The following SREK1 variants were observed in gnomAD, a reference collection of about 807,000 sequenced individuals.
SREK1 encodes the protein splicing regulatory glutamic acid and lysine rich protein 1.
SREK1 carries 13 observed loss-of-function variants against 66.5 expected under a neutral mutation model. The observed-to-expected ratio is 0.20, with a 90% CI of 0.13 to 0.31. The LOEUF (loss-of-function observed/expected upper bound fraction) is 0.31. SREK1 is among the 10% of genes least tolerant of loss of function. SREK1 has a pLI of 1.00. For synonymous variants in SREK1, 265 were observed against 263.5 expected (o/e 1.01, Z -0.05); for missense variants, 607 against 769.6 (o/e 0.79, Z 2.50).
Position 66,179,796 on chromosome 5 carries a change from T to C in SREK1, c.*928T>C, listed in dbSNP as rs931809888. On this transcript the variant is annotated 3_prime_UTR_variant, in exon 12 of 12. Coordinates refer to ENST00000334121, the MANE Select transcript of SREK1 (RefSeq NM_001077199.3). ...TGTGGTATACTGTTTTCTAGAATTT[T>C]ATATGTGCTAGTCATTCTCAATTCA... The C allele has an allele frequency of 2.0e-5, 3 of 152,524 alleles. No individual in the cohort carries two copies. The highest frequency in any genetic ancestry group is 7.2e-5 in the African/African-American group (3 of 41,432). The allele number at this position is 152,524 out of a possible 1,614,324, so 9.4% of individuals were successfully genotyped here. A position where few individuals can be genotyped will look rare whatever the true frequency, so the allele number is the denominator to read the frequency against.
At chr5:66,171,388 G>A (rs36062076) in intron 9 of SREK1, among the ~76,000 whole-genome samples, 2,949 of 152,118 alleles carry the variant, frequency 0.019, 54 homozygotes, top group Admixed American at 0.047. Flanking sequence ...TTTGTTAAGT[G>A]CATAACATTT....
intron 3 of SREK1, among the ~76,000 whole-genome samples, chr5:66,160,248 A>C (rs1422904607): frequency 1.3e-5 from 2 of 152,172 alleles, no homozygotes; most frequent in Admixed American, 1.3e-4. Context: ...CAAAATACAA[A>C]GCTTGCCTTA....
chr5:66,171,093 A>G, intron 9 of SREK1, 146 bp downstream of exon 9: 3 of 1,019,624 alleles, frequency 2.9e-6, no homozygotes, highest in East Asian at 2.7e-5. Context: ...CAGAGTAAAC[A>G]TTTCTCTAGC....
At chr5:66,169,312 A>T (rs1419316389) in intron 7 of SREK1, 2 of 152,242 alleles carry the variant, frequency 1.3e-5, no homozygotes. Context: ...TCTGAAATTC[A>T]AAAGGCTTCA....
intron 7 of SREK1, chr5:66,165,971 T>C (rs1745142453): frequency 6.6e-6 from 1 of 152,246 alleles, no homozygotes; most frequent in Admixed American, 6.5e-5. Context: ...ACACCAGATA[T>C]ACTAGTGTAT....
intron 1 of SREK1, among the ~76,000 whole-genome samples, chr5:66,151,742 G>A (rs1387431232): frequency 6.6e-6 from 1 of 151,574 alleles, no homozygotes; most frequent in East Asian, 1.9e-4. Flanking sequence ...TAGGTGTTGG[G>A]TTGGGTAAGG....
At position 66,177,673 on chromosome 5, in the gene SREK1, T is replaced by C; in HGVS notation, c.1725+15T>C. 1 of 1,578,996 alleles carries C rather than the reference T, an allele frequency of 6.3e-7. No homozygotes were observed. Among genetic ancestry groups the C allele is most frequent in the Non-Finnish European group, 8.6e-7 (1 of 1,167,360 alleles). ...CTTCACTTAAAGTAAGCAGCAGTCATTCGGTGTCTGGCACTTGAAATGGTT... is the reference window on the plus strand; with the variant it reads ...CTTCACTTAAAGTAAGCAGCAGTCACTCGGTGTCTGGCACTTGAAATGGTT... On this transcript the variant is annotated intron_variant, in intron 11 of 11. Coordinates refer to ENST00000334121, the MANE Select transcript of SREK1 (RefSeq NM_001077199.3).
In SREK1 at chr5:66,178,997, T is replaced by C. The variant is rs1746297595; in HGVS notation, c.*129T>C. On this transcript the variant is annotated 3_prime_UTR_variant, in exon 12 of 12. Transcript: ENST00000334121. ...TAGGATCTAACAGCTTTTCCAGTTG[T>C]TAGATGACTTTGTGGCCATCTTGTT... 9.4e-7 allele frequency: 1 copy of C among 1,067,574 alleles called. No individual in the cohort carries two copies. The highest frequency in any genetic ancestry group is 1.3e-6 in the Non-Finnish European group (1 of 795,470). 66.1% of individuals were successfully genotyped at this position (1,067,574 alleles called of 1,614,324 possible).
intron 1 of SREK1, among the ~76,000 whole-genome samples, chr5:66,149,318 C>T (rs1386715132): frequency 6.6e-6 from 1 of 151,858 alleles, no homozygotes; most frequent in East Asian, 1.9e-4. Context: ...CCATTGCACT[C>T]CAGCTCGGGT....
At chr5:66,162,810 G>T (rs1418852398) in intron 5 of SREK1, 3 of 447,970 alleles carry the variant, frequency 6.7e-6, no homozygotes, top group Non-Finnish European at 1.2e-5. Context: ...GTTTTCTAGG[G>T]TCTAATTCAG....
chr5:66,153,066 A>T (rs1743983511), intron 1 of SREK1, among the ~76,000 whole-genome samples: 1 of 152,216 alleles, frequency 6.6e-6, no homozygotes, highest in African/African-American at 2.4e-5. Flanking sequence ...CTTGGGAAAC[A>T]CATTTAGGAA....
At position 66,181,545 on chromosome 5, in the gene SREK1, C is replaced by A. The variant is rs1181414435; in HGVS notation, c.*2677C>A. 1 of 152,068 alleles carries A rather than the reference C, an allele frequency of 6.6e-6. No homozygotes were observed. Among genetic ancestry groups the A allele is most frequent in the Non-Finnish European group, 1.5e-5 (1 of 68,014 alleles). 9.4% of individuals were successfully genotyped at this position (152,068 alleles called of 1,614,324 possible). A position where few individuals can be genotyped will look rare whatever the true frequency, so the allele number is the denominator to read the frequency against. ...TTTTGTAGCTTGATTACATAGAGTA[C>A]CCTCTCTTCCTTAAGTTGTAGTTGC... On this transcript the variant is annotated 3_prime_UTR_variant, in exon 12 of 12. Transcript: ENST00000334121.
chr5:66,169,950 T>A lies in SREK1; in HGVS notation c.1002-101T>A, dbSNP rs563191413. On this transcript the variant is annotated intron_variant, in intron 7 of 11. Coordinates refer to ENST00000334121, the MANE Select transcript of SREK1 (RefSeq NM_001077199.3). The stretch of plus-strand genomic sequence containing the variant: ...TAACTAAAGTATTATTTAAGAGAAA[T>A]TTTTAAAATATTGTTAAATACTGTT... The A allele has an allele frequency of 1.9e-5, 18 of 970,124 alleles. No homozygotes were observed. In the African/African-American group the frequency reaches 2.0e-4, roughly 11 times the overall value. The allele number at this position is 970,124 out of a possible 1,614,324, so 60.1% of individuals were successfully genotyped here. A position where few individuals can be genotyped will look rare whatever the true frequency, so the allele number is the denominator to read the frequency against.
At chr5:66,157,494 T>C in intron 2 of SREK1, 1 of 985,316 alleles carries the variant, frequency 1.0e-6, no homozygotes, top group Non-Finnish European at 1.2e-6. Flanking sequence ...GTTCAGGTTT[T>C]ACAAACCTTT....
rs1746567992 is a variant in SREK1, at chr5:66,182,342, A to C, written c.*3474A>C. The C allele has an allele frequency of 6.6e-6, 1 of 152,034 alleles. No homozygotes were observed. Among genetic ancestry groups the C allele is most frequent in the South Asian group, 2.1e-4 (1 of 4,828 alleles). 9.4% of individuals were successfully genotyped at this position (152,034 alleles called of 1,614,324 possible). ...ACATATATATTATTTTCTCATGTTT[A>C]TTTACTAATGTAATTTTCACTTAAA... On this transcript the variant is annotated 3_prime_UTR_variant, in exon 12 of 12. Coordinates refer to ENST00000334121, the MANE Select transcript of SREK1 (RefSeq NM_001077199.3).
intron 6 of SREK1, chr5:66,164,484 G>A (rs1745011819): frequency 8.3e-6 from 8 of 966,974 alleles, no homozygotes; most frequent in Non-Finnish European, 1.1e-5. Flanking sequence ...AGCAGAATAA[G>A]TGGAGAAAGG....
intron 10 of SREK1, among the ~76,000 whole-genome samples, chr5:66,176,305 G>T (rs1746050012): frequency 6.6e-6 from 1 of 152,106 alleles, no homozygotes; most frequent in African/African-American, 2.4e-5. Context: ...ATGTGCCAGT[G>T]TCCCACCCTT....
chr5:66,160,273 C>G (rs1273210587), intron 3 of SREK1, among the ~76,000 whole-genome samples: 1 of 152,158 alleles, frequency 6.6e-6, no homozygotes, highest in Non-Finnish European at 1.5e-5. Context: ...GAAGTTGAAT[C>G]TAGCTTTGTG....
At chr5:66,169,148 C>G (rs1277881611) in intron 7 of SREK1, 2 of 152,128 alleles carry the variant, frequency 1.3e-5, no homozygotes, top group African/African-American at 4.8e-5. Context: ...AGTTAGGATA[C>G]CTCGTTATGA....
Sources: allele counts gnomAD v4.1 joint callset (sites outside exome capture counted in the v4.1 genomes callset), GRCh38; gene constraint gnomAD v4.1.1; transcripts MANE v1.5; gene names NCBI Gene and HGNC (gene_info 2026-07-23, HGNC 2026-07-21).